Variants in NDUFA12 observed in about 807,000 individuals in gnomAD.
NDUFA12 encodes the protein NADH:ubiquinone oxidoreductase subunit A12, also known as NADH dehydrogenase [ubiquinone] 1 alpha subcomplex subunit 12.
In NDUFA12, 17 loss-of-function variants were observed where a neutral mutation model predicts 20.3. The observed-to-expected ratio is 0.84, with a 90% CI of 0.57 to 1.26. NDUFA12 has a LOEUF of 1.26. Among genes scored for constraint, NDUFA12 ranks in the 50% most tolerant of loss-of-function variants. The probability of loss-of-function intolerance (pLI) is 0.00; values close to 1 mark genes in which losing one functional copy is unlikely to be tolerated. For synonymous variants in NDUFA12, 72 were observed against 63.6 expected (o/e 1.13, Z -0.63); for missense variants, 191 against 183.7 (o/e 1.04, Z -0.23).
At chr12:95,002,168 G>A (rs552705473) in intron 2 of NDUFA12, among the ~76,000 whole-genome samples, 308 of 151,294 alleles carry the variant, frequency 2.0e-3, no homozygotes, top group African/African-American at 7.0e-3. Flanking sequence ...AAGGCTGGAC[G>A]CAGTGGCTCA....
chr12:94,995,297 T>C (rs2059060518), intron 2 of NDUFA12, among the ~76,000 whole-genome samples: 1 of 152,168 alleles, frequency 6.6e-6, no homozygotes, highest in Admixed American at 6.5e-5. Flanking sequence ...GAGAAATAAA[T>C]CTTAAGAATA....
chr12:94,993,623 T>C (rs1730716580), intron 3 of NDUFA12, among the ~76,000 whole-genome samples: 1 of 14,406 alleles, frequency 6.9e-5, no homozygotes, highest in Non-Finnish European at 1.2e-4. Context: ...AGACTCTGTC[T>C]CAAAAAAAAA....
At position 94,971,622 on chromosome 12, in the gene NDUFA12, T is replaced by A; in HGVS notation, c.258-2A>T. The A allele has an allele frequency of 6.2e-7, 1 of 1,613,996 alleles. No homozygotes were observed. The highest frequency in any genetic ancestry group is 8.5e-7 in the Non-Finnish European group (1 of 1,180,006). ...GTCATACTGTGAAGCCAACGATGCC[T>A]TAAAGAGGGGAAAAAACCCAAACAG... On this transcript the variant is annotated splice_acceptor_variant, in intron 3 of 3. Coordinates refer to ENST00000327772, the MANE Select transcript of NDUFA12 (RefSeq NM_018838.5). LOFTEE classifies it high-confidence loss of function.
intron 3 of NDUFA12, among the ~76,000 whole-genome samples, chr12:94,985,319 T>A (rs950213745): frequency 6.6e-6 from 1 of 151,634 alleles, no homozygotes; most frequent in Non-Finnish European, 1.5e-5. Context: ...AGCGAGACCC[T>A]ATCTTTAAAA....
chr12:94,980,612 T>C (rs954630549), intron 3 of NDUFA12, among the ~76,000 whole-genome samples: 1 of 152,038 alleles, frequency 6.6e-6, no homozygotes, highest in African/African-American at 2.4e-5. Context: ...CCCTTTACCA[T>C]ACACTATTAT....
At chr12:94,985,312 G>A (rs10777664) in intron 3 of NDUFA12, among the ~76,000 whole-genome samples, 132,123 of 151,926 alleles carry the variant, frequency 0.87, 57,545 homozygotes, top group Admixed American at 0.91. Flanking sequence ...GCAACATAGC[G>A]AGACCCTATC....
chr12:95,003,638 T>C lies in NDUFA12; in HGVS notation c.43A>G (p.Thr15Ala), dbSNP rs1046637265. The stretch of plus-strand genomic sequence containing the variant: ...TAGCCTCGGAGACCGCCGTGGCCGG[T>C]GATCTGCTGCAGCCCGCGTTTCAGG... Reference protein sequence around the residue: ...QVLKRGLQQITGHGGLRGYLR... With the variant: ...QVLKRGLQQIAGHGGLRGYLR... The change falls in exon 1 of 4, where the codon ACC becomes GCC. Residue 15 changes from threonine (T) to alanine (A), a missense_variant. Transcript: ENST00000327772. 1.2e-6 allele frequency: 2 copies of C among 1,613,950 alleles called. No individual in the cohort carries two copies. Among genetic ancestry groups the C allele is most frequent in the Non-Finnish European group, 1.7e-6 (2 of 1,180,028 alleles).
chr12:94,995,772 C>T (rs1022264874), intron 2 of NDUFA12, among the ~76,000 whole-genome samples: 6 of 152,116 alleles, frequency 3.9e-5, no homozygotes, highest in African/African-American at 1.4e-4. Context: ...AGCAGGTTTA[C>T]AGTAGCATCA....
Position 94,971,624 on chromosome 12 carries a change from A to G in NDUFA12, c.258-4T>C. ...CATACTGTGAAGCCAACGATGCCTT[A>G]AAGAGGGGAAAAAACCCAAACAGTT... On this transcript the variant is annotated splice_region_variant and splice_polypyrimidine_tract_variant and intron_variant, in intron 3 of 3. Transcript: ENST00000327772. 2 of 1,614,044 alleles carry G rather than the reference A, an allele frequency of 1.2e-6. No homozygotes were observed. Among genetic ancestry groups the G allele is most frequent in the Non-Finnish European group, 1.7e-6 (2 of 1,180,024 alleles).
chr12:94,985,427 A>G (rs1214425519), intron 3 of NDUFA12, among the ~76,000 whole-genome samples: 2 of 151,400 alleles, frequency 1.3e-5, no homozygotes, highest in South Asian at 2.1e-4. Context: ...GATCAACACA[A>G]TCCTGGCTAA....
chr12:95,002,548 T>C (rs1381025288), intron 2 of NDUFA12, among the ~76,000 whole-genome samples, 191 bp downstream of exon 2: 1 of 151,822 alleles, frequency 6.6e-6, no homozygotes, highest in African/African-American at 2.4e-5. Flanking sequence ...CAAGTGAGAA[T>C]GAGCATTTTT....
At position 94,980,316 on chromosome 12, in the gene NDUFA12, C is replaced by T. The variant is rs559674417; in HGVS notation, c.258-8696G>A. ...CCCGCCCTTCTACAAGTCTTCTCAT[C>T]TCAGTGAATGGTCCCAGCATTATGG... On this transcript the variant is annotated intron_variant, in intron 3 of 3. Transcript: ENST00000327772. Among the ~76,000 whole-genome samples the T allele has an allele frequency of 3.3e-5, 5 of 152,296 alleles. No homozygotes were observed. In the South Asian group the frequency reaches 1.0e-3, roughly 32 times the overall value.
At chr12:94,993,653 A>AAAG in intron 3 of NDUFA12, among the ~76,000 whole-genome samples, 1 of 111,532 alleles carries the variant, frequency 9.0e-6, no homozygotes, top group Non-Finnish European at 1.8e-5. Flanking sequence ...AAAAAAAAAA[A>AAAG]GCCAGGCACG....
chr12:94,996,324 T>TACACACACACAC (rs71075891), intron 2 of NDUFA12, among the ~76,000 whole-genome samples: 8,251 of 141,130 alleles, frequency 0.058, 305 homozygotes, highest in Non-Finnish European at 0.083. Flanking sequence ...CATATATAGG[T>TACACACACACAC]ACACACACAC....
chr12:94,984,158 GGAGT>G (rs1319672926), intron 3 of NDUFA12, among the ~76,000 whole-genome samples: 1 of 152,120 alleles, frequency 6.6e-6, no homozygotes, highest in African/African-American at 2.4e-5. Flanking sequence ...GGAGAAAACT[GGAGT>G]GTAAACTGTA....
At chr12:94,980,518 AG>A (rs1425255819) in intron 3 of NDUFA12, among the ~76,000 whole-genome samples, 1 of 152,162 alleles carries the variant, frequency 6.6e-6, no homozygotes, top group East Asian at 1.9e-4. Flanking sequence ...TGGCCTTTCA[AG>A]GGCAAAACCA....
At chr12:95,002,285 A>G (rs1258704251) in intron 2 of NDUFA12, among the ~76,000 whole-genome samples, 1 of 151,404 alleles carries the variant, frequency 6.6e-6, no homozygotes, top group Non-Finnish European at 1.5e-5. Flanking sequence ...ACTAAAAAAT[A>G]CAAAAATTAG....
chr12:94,996,363 T>TG, intron 2 of NDUFA12, among the ~76,000 whole-genome samples: 1 of 105,626 alleles, frequency 9.5e-6, no homozygotes. Context: ...ACACACGAGA[T>TG]GGGGGTCTCT....
chr12:94,981,575 A>G (rs1197095723), intron 3 of NDUFA12, among the ~76,000 whole-genome samples: 1 of 152,244 alleles, frequency 6.6e-6, no homozygotes, highest in Non-Finnish European at 1.5e-5. Context: ...AGAATAAAAC[A>G]TATAGGAAAA....
Sources: gnomAD v4.1 joint callset for allele counts (sites outside exome capture counted in the v4.1 genomes callset) on GRCh38, gnomAD v4.1.1 for gene constraint, MANE v1.5 for transcripts, NCBI Gene and HGNC (gene_info 2026-07-23, HGNC 2026-07-21) for gene names.